TAS1R2: variants seen among roughly 807,000 people sequenced by gnomAD.
TAS1R2 encodes taste receptor type 1 member 2.
TAS1R2 carries 47 observed loss-of-function variants against 49.3 expected under a neutral mutation model. That is an observed-to-expected ratio of 0.95 (90% CI 0.75 to 1.22). TAS1R2 has a LOEUF of 1.22. Among genes scored for constraint, TAS1R2 ranks in the 50% most tolerant of loss-of-function variants. The pLI, the probability that TAS1R2 is intolerant of heterozygous loss-of-function variation, is 0.00. For synonymous variants in TAS1R2, 479 were observed against 467.9 expected, an observed-to-expected ratio of 1.02 and a Z score of -0.31; for missense variants, 1,155 against 1,122.1, an observed-to-expected ratio of 1.03 and a Z score of -0.42.
intron 2 of TAS1R2, 75 bp downstream of exon 2, chr1:18,857,256 T>C: frequency 6.8e-7 from 1 of 1,475,200 alleles, no homozygotes; most frequent in East Asian, 2.4e-5. Context: ...ATGGAGGAAG[T>C]GGCTTCTGAG....
intron 4 of TAS1R2, among the ~76,000 whole-genome samples, chr1:18,842,567 G>A (rs981812171): frequency 5.9e-5 from 9 of 152,104 alleles, no homozygotes; most frequent in African/African-American, 2.2e-4. Context: ...AGGAAGTTTG[G>A]GGAATTCAAA....
In TAS1R2 at chr1:18,854,867, G is replaced by A; in HGVS notation, c.603C>T (p.Phe201=). The A allele has an allele frequency of 6.2e-7, 1 of 1,611,858 alleles. No homozygotes were observed. The highest frequency in any genetic ancestry group is 8.5e-7 in the Non-Finnish European group (1 of 1,179,922). ...CCAGCACAATGATCCAGTTCCAGCG[G>A]AAGTGCAGCATCAGCTGCACCATGG... Residue 201 remains phenylalanine (F), a synonymous_variant, in exon 3 of 6, where the codon TTC becomes TTT. Coordinates refer to ENST00000375371, the Ensembl canonical transcript of TAS1R2. This position sits in a 1 kb window ranked among gnomAD's most constrained non-coding sequence, Gnocchi z 4.9.
intron 3 of TAS1R2, among the ~76,000 whole-genome samples, chr1:18,850,475 T>C (rs1048930140): frequency 2.6e-5 from 4 of 152,246 alleles, no homozygotes; most frequent in Admixed American, 6.5e-5. Flanking sequence ...AAAGACTCTT[T>C]GGAATGTGCA....
chr1:18,854,244 G>C lies in TAS1R2; in HGVS notation c.1226C>G (p.Thr409Ser). ...GGGGTAGACCACCCTCTTGGTGCAG[G>C]TGCTTTTGTCACAGCCGAGGAGGCT... Residue 409 changes from threonine (T) to serine (S), a missense_variant, in exon 3 of 6, where the codon ACC becomes AGC. Transcript: ENST00000375371. The surrounding 1 kb of genome is among the most constrained non-coding windows in gnomAD (Gnocchi z 4.9). The C allele has an allele frequency of 6.2e-7, 1 of 1,614,054 alleles. No individual in the cohort carries two copies. Among genetic ancestry groups the C allele is most frequent in the Non-Finnish European group, 8.5e-7 (1 of 1,179,944 alleles).
intron 4 of TAS1R2, among the ~76,000 whole-genome samples, chr1:18,843,703 A>T (rs182847600): frequency 7.3e-4 from 111 of 152,334 alleles, no homozygotes; most frequent in African/African-American, 2.5e-3. Flanking sequence ...AAAGAGAGAG[A>T]TGCAACAATG....
In TAS1R2 at chr1:18,843,480, G is replaced by A. The variant is rs146314920; in HGVS notation, c.1468-1628C>T. On this transcript the variant is annotated intron_variant, in intron 4 of 5. Coordinates refer to ENST00000375371, the Ensembl canonical transcript of TAS1R2. The stretch of plus-strand genomic sequence containing the variant: ...ACTTTATAAACCTCTTTAGATTTGC[G>A]GGACAACATAAATTGCTCCTGGAAA... 8.6e-3 allele frequency among the ~76,000 whole-genome samples: 1,310 copies of A among 152,212 alleles called. 18 individuals carry two copies. Among genetic ancestry groups the A allele is most frequent in the African/African-American group, 0.03 (1,256 of 41,500 alleles).
At chr1:18,851,186 G>A (rs28725305) in intron 3 of TAS1R2, among the ~76,000 whole-genome samples, 54 of 152,240 alleles carry the variant, frequency 3.5e-4, no homozygotes, top group African/African-American at 1.2e-3. Context: ...GATGCCCGAG[G>A]GGTGGAGAAA....
chr1:18,853,862 T>C (rs1440522510), intron 3 of TAS1R2, among the ~76,000 whole-genome samples: 2 of 152,020 alleles, frequency 1.3e-5, no homozygotes, highest in African/African-American at 4.8e-5. Context: ...AGAACTAGGG[T>C]AATGAAGACC....
chr1:18,840,179 C>T lies in TAS1R2; in HGVS notation c.1940G>A (p.Cys647Tyr), dbSNP rs778559024. Residue 647 changes from cysteine (C) to tyrosine (Y), a missense_variant, in exon 6 of 6, where the codon TGT becomes TAT. Transcript: ENST00000375371. The stretch of plus-strand genomic sequence containing the variant: ...GATCTGGAAAGAACGCACGGCGATA[C>T]AGGAGATGCAGATTGTGAAGCAGAG... 3.7e-6 allele frequency: 6 copies of T among 1,614,088 alleles called. No homozygotes were observed. The Middle Eastern group carries it at 4.9e-4, about 133-fold the overall frequency.
chr1:18,855,044 C>A lies in TAS1R2; in HGVS notation c.484-58G>T, dbSNP rs536857193. The A allele has an allele frequency of 1.5e-3, 2,265 of 1,561,500 alleles. 12 individuals are homozygous for A. Among genetic ancestry groups the A allele is most frequent in the South Asian group, 8.7e-3 (723 of 82,960 alleles). ...GCCCCGCTGGGTGCTCTGCCCCCAC[C>A]CCAGGGCTCTATCCACCATCATCAT... On this transcript the variant is annotated intron_variant, in intron 2 of 5. Transcript: ENST00000375371.
intron 3 of TAS1R2, among the ~76,000 whole-genome samples, chr1:18,851,064 T>A (rs1485363829): frequency 6.6e-6 from 1 of 152,194 alleles, no homozygotes; most frequent in African/African-American, 2.4e-5. Context: ...TTGCCCAGGT[T>A]TGCACAGCTA....
intron 2 of TAS1R2, among the ~76,000 whole-genome samples, 194 bp downstream of exon 2, chr1:18,857,137 T>G (rs1397428981): frequency 6.6e-6 from 1 of 152,230 alleles, no homozygotes; most frequent in Non-Finnish European, 1.5e-5. Context: ...CAACCAGATC[T>G]GCCCGCTTCC....
exon 5 of TAS1R2, chr1:18,841,786 C>T (rs775169550): frequency 5.6e-6 from 9 of 1,614,006 alleles, no homozygotes; most frequent in Admixed American, 3.3e-5. Context: ...AAGCAGCAGA[C>T]GTGGATGCCC....
At chr1:18,839,761 C>T (rs1270721269) in exon 6 of TAS1R2, 1 of 1,614,106 alleles carries the variant, frequency 6.2e-7, no homozygotes, top group African/African-American at 1.3e-5. Context: ...TGGTGACCAG[C>T]ACCCCGCTGT....
intron 4 of TAS1R2, among the ~76,000 whole-genome samples, chr1:18,847,975 T>C (rs1933952830): frequency 1.3e-5 from 2 of 152,186 alleles, no homozygotes; most frequent in Admixed American, 6.5e-5. Context: ...AACCTTCAGA[T>C]CTTGTGAGAC....
intron 5 of TAS1R2, among the ~76,000 whole-genome samples, chr1:18,841,188 G>A (rs1398270337): frequency 1.3e-5 from 2 of 152,224 alleles, no homozygotes; most frequent in Non-Finnish European, 2.9e-5. Context: ...GGACAGAGAT[G>A]ACGTTGTCTG....
intron 3 of TAS1R2, among the ~76,000 whole-genome samples, chr1:18,852,158 TAAAC>T (rs1934040829): frequency 6.6e-6 from 1 of 152,102 alleles, no homozygotes; most frequent in Non-Finnish European, 1.5e-5. Context: ...GAATAGCCAA[TAAAC>T]AAACAAAGGA....
In TAS1R2 at chr1:18,849,562, A is replaced by T; in HGVS notation, c.1258-12T>A. On this transcript the variant is annotated splice_polypyrimidine_tract_variant and intron_variant, in intron 3 of 5. Transcript: ENST00000375371. The stretch of plus-strand genomic sequence containing the variant: ...ATCTCCTCAAGCAGCTGGCGGGGTC[A>T]GAGGGAAGGGAAGTGGAGCTAGCAT... 6.2e-7 allele frequency: 1 copy of T among 1,613,862 alleles called. No homozygotes were observed. Among genetic ancestry groups the T allele is most frequent in the Non-Finnish European group, 8.5e-7 (1 of 1,179,824 alleles).
At chr1:18,840,480 T>C (rs774305580) in exon 6 of TAS1R2, 36 of 1,614,066 alleles carry the variant, frequency 2.2e-5, no homozygotes, top group African/African-American at 5.3e-5. Context: ...GAGGTCTCAC[T>C]CTGGTAGGAC....
Sources: allele counts gnomAD v4.1 joint callset (sites outside exome capture counted in the v4.1 genomes callset), GRCh38; gene constraint gnomAD v4.1.1; non-coding constraint Gnocchi (gnomAD v3.1); transcripts MANE v1.5; gene names NCBI Gene and HGNC (gene_info 2026-07-23, HGNC 2026-07-21).